The following WFDC8 variants were observed in gnomAD, a reference collection of about 807,000 sequenced individuals.
WFDC8 encodes the protein WAP four-disulfide core domain 8.
Under a neutral mutation model 27.0 loss-of-function variants are expected in WFDC8, and 24 were observed. That is an observed-to-expected ratio of 0.89 (90% confidence interval 0.64 to 1.25). The LOEUF is 1.25. Ranked by LOEUF, WFDC8 falls within the 50% of genes most tolerant of loss-of-function variation. The probability of loss-of-function intolerance (pLI) is 0.00; values close to 1 mark genes in which losing one functional copy is unlikely to be tolerated. For synonymous variants in WFDC8, 106 were observed against 99.7 expected (o/e 1.06, Z -0.38); for missense variants, 287 against 295.9 (o/e 0.97, Z 0.22).
chr20:45,557,828 GT>G (rs1291229972), intron 3 of WFDC8, among the ~76,000 whole-genome samples: 4 of 152,178 alleles, frequency 2.6e-5, no homozygotes, highest in African/African-American at 9.7e-5. Flanking sequence ...AAAGTGCCTA[GT>G]ACCTAGAAGG....
chr20:45,554,962 A>C (rs1980184980), intron 4 of WFDC8, among the ~76,000 whole-genome samples: 1 of 152,144 alleles, frequency 6.6e-6, no homozygotes, highest in African/African-American at 2.4e-5. Flanking sequence ...CACAGTTGTG[A>C]AGATCACTGG....
chr20:45,564,786 G>A (rs1428704385), intron 1 of WFDC8, among the ~76,000 whole-genome samples: 4 of 151,680 alleles, frequency 2.6e-5, no homozygotes, highest in Non-Finnish European at 5.9e-5. Context: ...GTGTTTCAAT[G>A]AGCCATGATC....
At chr20:45,567,055 TG>T (rs2070348913) in intron 1 of WFDC8, among the ~76,000 whole-genome samples, 1 of 151,816 alleles carries the variant, frequency 6.6e-6, no homozygotes, top group African/African-American at 2.4e-5. Context: ...TATTTTTTAT[TG>T]TTTTTTTCTA....
chr20:45,557,981 T>G (rs972924369), intron 3 of WFDC8, among the ~76,000 whole-genome samples: 8 of 152,198 alleles, frequency 5.3e-5, no homozygotes, highest in African/African-American at 1.9e-4. Context: ...GAGATCATGA[T>G]GAAGTGAGAC....
chr20:45,564,794 A>T (rs1980595788), intron 1 of WFDC8, among the ~76,000 whole-genome samples: 1 of 151,648 alleles, frequency 6.6e-6, no homozygotes, highest in South Asian at 2.1e-4. Flanking sequence ...ATGAGCCATG[A>T]TCATGCCCCT....
chr20:45,552,089 C>T lies in WFDC8; in HGVS notation c.663G>A (p.Glu221=), dbSNP rs934203700. The T allele has an allele frequency of 6.2e-7, 1 of 1,614,144 alleles. No homozygotes were observed. The highest frequency in any genetic ancestry group is 8.5e-7 in the Non-Finnish European group (1 of 1,179,982). Reference sequence around the variant, plus strand: ...AGCAGCACTTTTCCACCAATGGGCACTCCTCATCCTGCAGGCACTTGGGTT... The same window carrying T: ...AGCAGCACTTTTCCACCAATGGGCATTCCTCATCCTGCAGGCACTTGGGTT... ...IDKPKCLQDE[E]CPLVEKCCSH... The change falls in exon 6 of 6, where the codon GAG becomes GAA. Residue 221 remains glutamate (E), a synonymous_variant. Coordinates refer to ENST00000289953, the MANE Select transcript of WFDC8 (RefSeq NM_130896.3).
Position 45,552,010 on chromosome 20 carries a change from A to G in WFDC8, c.*16T>C, listed in dbSNP as rs1320657826. 11 of 1,612,162 alleles carry G rather than the reference A, an allele frequency of 6.8e-6. No homozygotes were observed. Among genetic ancestry groups the G allele is most frequent in the Non-Finnish European group, 8.5e-6 (10 of 1,179,258 alleles). ...CATAATTAATGATTTTGATGATAATATTTTCTACTTACTATTCAACGTCTG... is the reference window on the plus strand; with the variant it reads ...CATAATTAATGATTTTGATGATAATGTTTTCTACTTACTATTCAACGTCTG... On this transcript the variant is annotated 3_prime_UTR_variant, in exon 6 of 6. Coordinates refer to ENST00000289953, the MANE Select transcript of WFDC8 (RefSeq NM_130896.3).
chr20:45,571,736 C>A (rs1053734603), intron 1 of WFDC8, among the ~76,000 whole-genome samples: 2 of 152,196 alleles, frequency 1.3e-5, no homozygotes, highest in African/African-American at 4.8e-5. Context: ...CAATATTTGT[C>A]TTTCTCTGCC....
At chr20:45,564,574 T>C (rs1051435532) in intron 1 of WFDC8, among the ~76,000 whole-genome samples, 9 of 151,108 alleles carry the variant, frequency 6.0e-5, no homozygotes, top group African/African-American at 2.2e-4. Context: ...TTCGGGAGGC[T>C]GAGGCAGGAC....
At chr20:45,566,879 G>C (rs1301461857) in intron 1 of WFDC8, among the ~76,000 whole-genome samples, 5 of 151,988 alleles carry the variant, frequency 3.3e-5, no homozygotes, top group Non-Finnish European at 7.4e-5. Context: ...TGCTCATGTC[G>C]CTTTTATAAA....
intron 4 of WFDC8, among the ~76,000 whole-genome samples, chr20:45,553,865 A>C (rs1368164071): frequency 6.6e-6 from 1 of 152,152 alleles, no homozygotes; most frequent in South Asian, 2.1e-4. Context: ...TAACTAACTT[A>C]ATGGATGTTA....
rs954307369 is a variant in WFDC8, at chr20:45,552,043, T to C, written c.709A>G (p.Met237Val). The C allele has an allele frequency of 6.2e-7, 1 of 1,614,100 alleles. No homozygotes were observed. The highest frequency in any genetic ancestry group is 8.5e-7 in the Non-Finnish European group (1 of 1,179,942). The change falls in exon 6 of 6, where the codon ATG (methionine) becomes GTG (valine). Residue 237 changes from methionine to valine, a missense_variant. By Grantham distance (21) the Met-to-Val change is conservative. Transcript: ENST00000289953. ...KCCSHCGLKC[M>V]DPRR ...CTTACTATTCAACGTCTGGGGTCCATACATTTCAGTCCACAATGTGAGCAG... is the reference window on the plus strand; with the variant it reads ...CTTACTATTCAACGTCTGGGGTCCACACATTTCAGTCCACAATGTGAGCAG...
Position 45,551,833 on chromosome 20 carries a change from G to T in WFDC8, c.*193C>A. On this transcript the variant is annotated 3_prime_UTR_variant, in exon 6 of 6. Transcript: ENST00000289953. ...CAATACAAGAAGACAAGAAAATAAA[G>T]TCATGAAGTTGAAAAAAAGCCAAAT... 1.7e-6 allele frequency: 1 copy of T among 577,734 alleles called. No homozygotes were observed. The highest frequency in any genetic ancestry group is 2.9e-6 in the Non-Finnish European group (1 of 340,768). The allele number at this position is 577,734 out of a possible 1,614,324, so 35.8% of individuals were successfully genotyped here.
At chr20:45,566,377 G>A (rs1020927228) in intron 1 of WFDC8, among the ~76,000 whole-genome samples, 2 of 152,016 alleles carry the variant, frequency 1.3e-5, no homozygotes, top group Admixed American at 6.6e-5. Context: ...ATAACATATT[G>A]CTAGCCAGGT....
At chr20:45,576,728 A>G (rs558626772) in intron 1 of WFDC8, among the ~76,000 whole-genome samples, 1 of 151,544 alleles carries the variant, frequency 6.6e-6, no homozygotes, top group East Asian at 1.9e-4. Flanking sequence ...ATATTAATCA[A>G]ACTATACTCT....
In WFDC8 at chr20:45,578,646, G is replaced by T. The variant is rs187381530; in HGVS notation, c.26+576C>A. Among the ~76,000 whole-genome samples, 4 of 141,334 alleles carry T rather than the reference G, an allele frequency of 2.8e-5. No homozygotes were observed. The East Asian group carries it at 7.7e-4, about 27-fold the overall frequency. 92.7% of individuals were successfully genotyped at this position (141,334 alleles called of 152,430 possible). A position where few individuals can be genotyped will look rare whatever the true frequency, so the allele number is the denominator to read the frequency against. On this transcript the variant is annotated intron_variant, in intron 1 of 5. Transcript: ENST00000289953. The stretch of plus-strand genomic sequence containing the variant: ...GACAGAAATGTGTCTTCCTTCCACG[G>T]GCCGTTCTAAAATTGCAAGGTAATG...
Position 45,554,179 on chromosome 20 carries a change from TTTTTGTTTTTGG to T in WFDC8, c.446-915_446-904del, listed in dbSNP as rs935713108. Among the ~76,000 whole-genome samples, 115 of 151,888 alleles carry T rather than the reference TTTTTGTTTTTGG, an allele frequency of 7.6e-4. 1 individual carries two copies. The highest frequency in any genetic ancestry group is 1.3e-3 in the Admixed American group (20 of 15,258). Reference sequence around the variant, plus strand: ...TGTTTTTTTTGTTGTTGTGTTTTTGTTTTTGTTTTTGGTTTTGTTGTTGTTGTTTGTAGAAAT... The same window carrying T: ...TGTTTTTTTTGTTGTTGTGTTTTTGTTTTTGTTGTTGTTGTTTGTAGAAAT... On this transcript the variant is annotated intron_variant, in intron 4 of 5. Transcript: ENST00000289953.
In WFDC8 at chr20:45,551,867, A is replaced by G; in HGVS notation, c.*159T>C. ...TTGAAAAAAAGCCAAATATATCATC[A>G]CTTTCAGATGATGGGATTATATATA... is the stretch of plus-strand genomic sequence containing the variant. On this transcript the variant is annotated 3_prime_UTR_variant, in exon 6 of 6. Transcript: ENST00000289953. 1.1e-6 allele frequency: 1 copy of G among 904,954 alleles called. No homozygotes were observed. The highest frequency in any genetic ancestry group is 2.1e-5 in the South Asian group (1 of 48,106). The allele number at this position is 904,954 out of a possible 1,614,324, so 56.1% of individuals were successfully genotyped here.
At chr20:45,557,961 A>G (rs566791182) in intron 3 of WFDC8, among the ~76,000 whole-genome samples, 1 of 152,266 alleles carries the variant, frequency 6.6e-6, no homozygotes, top group Non-Finnish European at 1.5e-5. Context: ...GTATCAACCA[A>G]CGTCACTCTG....
Sources: gnomAD v4.1 joint callset for allele counts (sites outside exome capture counted in the v4.1 genomes callset) on GRCh38, gnomAD v4.1.1 for gene constraint, MANE v1.5 for transcripts, NCBI Gene and HGNC (gene_info 2026-07-23, HGNC 2026-07-21) for gene names.